Variants in ARHGAP42 observed in about 807,000 individuals in gnomAD.
ARHGAP42 encodes the protein rho GTPase-activating protein 42.
A neutral mutation model predicts 125.0 loss-of-function variants in ARHGAP42; 63 were observed. That is an observed-to-expected ratio of 0.50 (90% confidence interval 0.41 to 0.62). The LOEUF (loss-of-function observed/expected upper bound fraction) is 0.62, where lower values mean the gene tolerates loss of function less well. Ranked by LOEUF, ARHGAP42 falls within the 20% of genes least tolerant of loss-of-function variation. ARHGAP42 has a pLI of 0.00. For synonymous variants in ARHGAP42, 339 were observed against 351.0 expected, an observed-to-expected ratio of 0.97 and a Z score of 0.38; for missense variants, 766 against 1,024.2, an observed-to-expected ratio of 0.75 and a Z score of 3.44.
chr11:100,976,064 C>G lies in ARHGAP42; in HGVS notation c.1863C>G (p.Ser621=). ...CTCCCTCCTACTCCTTAGGTGACTC[C>G]TATAGCAGCAGCCCAGACAGCACAC... ...TPCLAEPDSD[S]YSSSPDSTPM... Residue 621 remains serine, a synonymous_variant, in exon 20 of 24, where the codon TCC becomes TCG. Transcript: ENST00000298815. 6.6e-7 allele frequency: 1 copy of G among 1,524,640 alleles called. No homozygotes were observed. Among genetic ancestry groups the G allele is most frequent in the South Asian group, 1.3e-5 (1 of 78,968 alleles). 94.4% of individuals were successfully genotyped at this position (1,524,640 alleles called of 1,614,324 possible). A position where few individuals can be genotyped will look rare whatever the true frequency, so the allele number is the denominator to read the frequency against.
intron 17 of ARHGAP42, among the ~76,000 whole-genome samples, chr11:100,966,063 G>GT (rs1267962069): frequency 5.3e-5 from 8 of 151,852 alleles, no homozygotes; most frequent in Non-Finnish European, 7.4e-5. Context: ...GGAGTATATA[G>GT]TTTTTTTTCC....
chr11:100,853,498 G>T (rs1482759760), intron 3 of ARHGAP42, among the ~76,000 whole-genome samples: 2 of 152,052 alleles, frequency 1.3e-5, no homozygotes, highest in East Asian at 3.9e-4. Flanking sequence ...CAAGAAGAAG[G>T]ATACAATAAA....
chr11:100,802,613 AG>A (rs1380040066), intron 3 of ARHGAP42, among the ~76,000 whole-genome samples: 1 of 120,440 alleles, frequency 8.3e-6, no homozygotes, highest in Non-Finnish European at 1.7e-5. Context: ...TTGTTTTTTT[AG>A]TAGAGATGAG....
Position 100,690,431 on chromosome 11 carries a change from C to T in ARHGAP42, c.154+2599C>T, listed in dbSNP as rs1204263446. On this transcript the variant is annotated intron_variant, in intron 1 of 23. Transcript: ENST00000298815. The stretch of plus-strand genomic sequence containing the variant: ...CGCCTGACTATTCCAATAAGAGTCA[C>T]ACATGCTCCTTGCTCTGTGGTTCAA... Among the ~76,000 whole-genome samples the T allele has an allele frequency of 3.3e-5, 5 of 152,144 alleles. 1 individual carries two copies. The highest frequency in any genetic ancestry group is 2.0e-4 in the Admixed American group (3 of 15,276).
chr11:100,798,392 C>T (rs1863770565), intron 3 of ARHGAP42, among the ~76,000 whole-genome samples: 1 of 152,274 alleles, frequency 6.6e-6, no homozygotes, highest in South Asian at 2.1e-4. Flanking sequence ...TTACCACAGC[C>T]ACTCCGGCCT....
At position 100,941,915 on chromosome 11, in the gene ARHGAP42, T is replaced by C. The variant is rs1400625180; in HGVS notation, c.933+31T>C. ...TTAGTTTTGTTTTCTGTTTGTTTTT[T>C]AAACTGTTCATTATTTAAGTAATGG... is the stretch of plus-strand genomic sequence containing the variant. On this transcript the variant is annotated intron_variant, in intron 9 of 23. Coordinates refer to ENST00000298815, the MANE Select transcript of ARHGAP42 (RefSeq NM_152432.4). 5 of 1,420,472 alleles carry C rather than the reference T, an allele frequency of 3.5e-6. No individual in the cohort carries two copies. The South Asian group carries it at 5.2e-5, about 15-fold the overall frequency. The allele number at this position is 1,420,472 out of a possible 1,614,324, so 88.0% of individuals were successfully genotyped here.
chr11:100,965,848 G>A, intron 17 of ARHGAP42, 72 bp downstream of exon 17: 1 of 1,279,360 alleles, frequency 7.8e-7, no homozygotes, highest in Non-Finnish European at 1.1e-6. Context: ...TTTTTAAAGT[G>A]TGTGATGATG....
At chr11:100,962,862 G>C (rs1857990784) in intron 16 of ARHGAP42, among the ~76,000 whole-genome samples, 1 of 152,044 alleles carries the variant, frequency 6.6e-6, no homozygotes, top group Admixed American at 6.6e-5. Context: ...GGCAACAAGA[G>C]CGAAACTCCA....
intron 1 of ARHGAP42, among the ~76,000 whole-genome samples, chr11:100,733,189 A>G (rs570176953): frequency 1.3e-3 from 202 of 152,338 alleles, no homozygotes; most frequent in African/African-American, 4.6e-3. Flanking sequence ...TTGACTCATG[A>G]CAAGTTAATC....
intron 1 of ARHGAP42, among the ~76,000 whole-genome samples, chr11:100,737,999 G>A (rs536457858): frequency 1.3e-4 from 20 of 152,188 alleles, no homozygotes; most frequent in Middle Eastern, 3.4e-3. Flanking sequence ...GAATCCTTAC[G>A]TTTTGCACAT....
At chr11:100,766,329 C>G (rs991904606) in intron 1 of ARHGAP42, among the ~76,000 whole-genome samples, 1 of 152,004 alleles carries the variant, frequency 6.6e-6, no homozygotes, top group Non-Finnish European at 1.5e-5. Context: ...AGAGACACCC[C>G]TGTCTAAACT....
chr11:100,951,203 C>T (rs550692278), intron 12 of ARHGAP42, among the ~76,000 whole-genome samples: 1 of 151,918 alleles, frequency 6.6e-6, no homozygotes, highest in Non-Finnish European at 1.5e-5. Flanking sequence ...AAAGATGTTT[C>T]AATAATTAAA....
At chr11:100,768,942 T>G (rs1018787324) in intron 1 of ARHGAP42, among the ~76,000 whole-genome samples, 1 of 152,190 alleles carries the variant, frequency 6.6e-6, no homozygotes. Flanking sequence ...GTTTTGTCAT[T>G]GTACAAACAT....
At chr11:100,907,262 A>G (rs1374582488) in intron 4 of ARHGAP42, among the ~76,000 whole-genome samples, 1 of 152,234 alleles carries the variant, frequency 6.6e-6, no homozygotes, top group Non-Finnish European at 1.5e-5. Context: ...TATGCATGTT[A>G]CACTTCGGGT....
intron 17 of ARHGAP42, among the ~76,000 whole-genome samples, chr11:100,971,878 T>C (rs1858256245): frequency 6.6e-6 from 1 of 152,192 alleles, no homozygotes; most frequent in Non-Finnish European, 1.5e-5. Context: ...ATAAATGAGC[T>C]TACCCAACTT....
At chr11:100,813,978 A>G (rs978044127) in intron 3 of ARHGAP42, among the ~76,000 whole-genome samples, 1 of 152,062 alleles carries the variant, frequency 6.6e-6, no homozygotes. Flanking sequence ...GTGGAGCATG[A>G]GATCGAGATC....
At chr11:100,859,964 G>T (rs1422889233) in intron 4 of ARHGAP42, 1 of 175,980 alleles carries the variant, frequency 5.7e-6, no homozygotes, top group Non-Finnish European at 1.2e-5. Context: ...TTCAAGCAGT[G>T]ATTATATGAG....
At chr11:100,945,658 G>A (rs539053331) in intron 10 of ARHGAP42, among the ~76,000 whole-genome samples, 1 of 152,062 alleles carries the variant, frequency 6.6e-6, no homozygotes, top group African/African-American at 2.4e-5. Context: ...TTGTCAATGG[G>A]CAGTAATATT....
At chr11:100,933,320 C>CA in intron 7 of ARHGAP42, 60 bp downstream of exon 7, 1 of 1,202,874 alleles carries the variant, frequency 8.3e-7, no homozygotes, top group East Asian at 2.8e-5. Context: ...TTTCACAGGG[C>CA]AACTAATTAC....
Sources: gnomAD v4.1 joint callset for allele counts (sites outside exome capture counted in the v4.1 genomes callset) on GRCh38, gnomAD v4.1.1 for gene constraint, MANE v1.5 for transcripts, NCBI Gene and HGNC (gene_info 2026-07-23, HGNC 2026-07-21) for gene names.